Variants in PHACTR1 observed in about 807,000 individuals in gnomAD.
PHACTR1 encodes the protein RPEL repeat containing 1.
Under a neutral mutation model 69.2 loss-of-function variants are expected in PHACTR1, and 16 were observed. The ratio of observed to expected loss-of-function variants is 0.23; its 90% CI spans 0.16 to 0.35. PHACTR1 has a LOEUF of 0.35. Ranked by LOEUF, PHACTR1 falls within the 10% of genes least tolerant of loss-of-function variation. PHACTR1 has a pLI of 1.00. For synonymous variants in PHACTR1, 312 were observed against 284.5 expected (o/e 1.10, Z -0.97); for missense variants, 510 against 734.7 (o/e 0.69, Z 3.54).
At chr6:12,813,840 G>A (rs895126335) in intron 4 of PHACTR1, among the ~76,000 whole-genome samples, 3 of 152,220 alleles carry the variant, frequency 2.0e-5, no homozygotes, top group African/African-American at 7.2e-5. Flanking sequence ...GTGGCCCACA[G>A]GCCAGCAGCA....
chr6:12,822,326 T>C (rs997836466), intron 4 of PHACTR1, among the ~76,000 whole-genome samples: 6 of 152,134 alleles, frequency 3.9e-5, no homozygotes, highest in Admixed American at 1.3e-4. Context: ...GGAGAACCTG[T>C]GTGACAACGG....
chr6:12,831,430 G>A (rs1777570448), intron 4 of PHACTR1, among the ~76,000 whole-genome samples: 1 of 151,468 alleles, frequency 6.6e-6, no homozygotes, highest in Admixed American at 6.6e-5. Context: ...AAGAGCAAGG[G>A]ATGGGCTTAA....
chr6:13,023,994 T>C (rs1801346337), intron 4 of PHACTR1, among the ~76,000 whole-genome samples: 1 of 151,936 alleles, frequency 6.6e-6, no homozygotes, highest in Admixed American at 6.6e-5. Flanking sequence ...GGAGAATCAC[T>C]TGAATCCCGG....
chr6:12,779,527 T>TTAAATAAA (rs10691503), intron 4 of PHACTR1, among the ~76,000 whole-genome samples: 55 of 151,254 alleles, frequency 3.6e-4, no homozygotes, highest in African/African-American at 9.0e-4. Flanking sequence ...TGACCGCTTC[T>TTAAATAAA]TAAATAAATA....
rs570872591 is a variant in PHACTR1, at chr6:12,961,343, G to A, written c.251-92022G>A. Among the ~76,000 whole-genome samples the A allele has an allele frequency of 1.1e-3, 166 of 152,320 alleles. 2 individuals carry two copies. Among genetic ancestry groups the A allele is most frequent in the African/African-American group, 3.9e-3 (162 of 41,572 alleles). On this transcript the variant is annotated intron_variant, in intron 4 of 14. Transcript: ENST00000332995. ...CAAACTTGGGTATATTCTAATGCTA[G>A]GGAAAAAGAAGAAGGAGTGGAATGT...
intron 7 of PHACTR1, among the ~76,000 whole-genome samples, chr6:13,190,197 T>TTTTTTTG (rs1763357062): frequency 1.1e-5 from 1 of 93,912 alleles, no homozygotes; most frequent in African/African-American, 5.3e-5. Flanking sequence ...CTAATTTTTG[T>TTTTTTTG]ATTTTTTTTT....
At chr6:12,950,424 G>C (rs532029760) in intron 4 of PHACTR1, among the ~76,000 whole-genome samples, 1 of 152,342 alleles carries the variant, frequency 6.6e-6, no homozygotes, top group East Asian at 1.9e-4. Context: ...GATTCAGAGA[G>C]AGAGGAATTA....
intron 4 of PHACTR1, among the ~76,000 whole-genome samples, chr6:12,900,521 T>A (rs897464227): frequency 1.3e-5 from 2 of 152,140 alleles, no homozygotes; most frequent in Non-Finnish European, 2.9e-5. Context: ...GGCGAAACCC[T>A]GTCTCTACAA....
At chr6:13,023,301 T>C (rs1019423230) in intron 4 of PHACTR1, among the ~76,000 whole-genome samples, 1 of 152,216 alleles carries the variant, frequency 6.6e-6, no homozygotes, top group Non-Finnish European at 1.5e-5. Flanking sequence ...CTGACCTTTA[T>C]GTGGGCTTCA....
intron 4 of PHACTR1, among the ~76,000 whole-genome samples, chr6:12,851,241 G>A (rs746074046): frequency 2.0e-5 from 3 of 152,202 alleles, no homozygotes; most frequent in Non-Finnish European, 2.9e-5. Context: ...GATGCAACAA[G>A]TATAAAGTGA....
At chr6:12,831,475 C>A (rs1228923778) in intron 4 of PHACTR1, among the ~76,000 whole-genome samples, 2 of 151,608 alleles carry the variant, frequency 1.3e-5, no homozygotes, top group East Asian at 3.9e-4. Context: ...TTTCATAACT[C>A]AGTAGCTGAA....
At chr6:12,934,700 G>T (rs936337306) in intron 4 of PHACTR1, among the ~76,000 whole-genome samples, 2 of 152,104 alleles carry the variant, frequency 1.3e-5, no homozygotes, top group Non-Finnish European at 1.5e-5. Context: ...GTCGGGTGTG[G>T]TAGCACGCGC....
At chr6:13,061,162 C>T (rs2127751927) in intron 5 of PHACTR1, among the ~76,000 whole-genome samples, 2 of 152,286 alleles carry the variant, frequency 1.3e-5, no homozygotes, top group Admixed American at 1.3e-4. Context: ...CTCTCTTTCT[C>T]CTTTTCTCTT....
At chr6:12,990,460 G>A (rs1455064716) in intron 4 of PHACTR1, among the ~76,000 whole-genome samples, 3 of 152,204 alleles carry the variant, frequency 2.0e-5, no homozygotes, top group Non-Finnish European at 4.4e-5. Flanking sequence ...TCACTCGCTC[G>A]AACTTGCTAG....
At chr6:13,101,294 C>T (rs920456782) in intron 5 of PHACTR1, among the ~76,000 whole-genome samples, 3 of 152,226 alleles carry the variant, frequency 2.0e-5, no homozygotes, top group Admixed American at 2.0e-4. Flanking sequence ...TCACAATAAC[C>T]ACATCAGTCC....
intron 3 of PHACTR1, among the ~76,000 whole-genome samples, chr6:12,735,821 A>G (rs540065264): frequency 6.6e-6 from 1 of 152,290 alleles, no homozygotes; most frequent in South Asian, 2.1e-4. Flanking sequence ...GATTCTTCCT[A>G]TGAAGTGAAT....
intron 4 of PHACTR1, among the ~76,000 whole-genome samples, chr6:12,794,304 T>C (rs1772705135): frequency 6.6e-6 from 1 of 152,216 alleles, no homozygotes; most frequent in Admixed American, 6.5e-5. Flanking sequence ...GAGTTACTGC[T>C]GAAGTGTTAA....
chr6:12,884,372 G>A (rs1473501912), intron 4 of PHACTR1, among the ~76,000 whole-genome samples: 1 of 151,744 alleles, frequency 6.6e-6, no homozygotes, highest in African/African-American at 2.4e-5. Flanking sequence ...TCATGGTTCA[G>A]TCCAGACAAG....
At chr6:13,136,093 G>A (rs1255805991) in intron 5 of PHACTR1, among the ~76,000 whole-genome samples, 1 of 151,646 alleles carries the variant, frequency 6.6e-6, no homozygotes, top group Non-Finnish European at 1.5e-5. Flanking sequence ...CATTCTTCCA[G>A]CTTTCCATGC....
Sources: allele counts gnomAD v4.1 joint callset (sites outside exome capture counted in the v4.1 genomes callset), GRCh38; gene constraint gnomAD v4.1.1; transcripts MANE v1.5; gene names NCBI Gene and HGNC (gene_info 2026-07-23, HGNC 2026-07-21).